Variants in AKAP13 observed in about 807,000 individuals in gnomAD.
AKAP13 encodes A-kinase anchor protein 13.
In AKAP13, 80 loss-of-function variants were observed where a neutral mutation model predicts 264.5. The observed-to-expected ratio is 0.30, with a 90% CI of 0.25 to 0.36. The LOEUF (loss-of-function observed/expected upper bound fraction) is 0.36. AKAP13 is among the 10% of genes least tolerant of loss of function. The probability of loss-of-function intolerance (pLI) is 1.00; values close to 1 mark genes in which losing one functional copy is unlikely to be tolerated. For synonymous variants in AKAP13, 1,380 were observed against 1,250.2 expected (o/e 1.10, Z -2.19); for missense variants, 3,712 against 3,435.2 (o/e 1.08, Z -2.01).
intron 9 of AKAP13, among the ~76,000 whole-genome samples, chr15:85,642,206 T>C (rs1451087081): frequency 6.6e-6 from 1 of 152,240 alleles, no homozygotes; most frequent in East Asian, 1.9e-4. Flanking sequence ...GAGTTCTGGT[T>C]ACTGTATGTA....
In AKAP13 at chr15:85,718,999, G is replaced by C; in HGVS notation, c.6002-77G>C. 1 of 1,572,570 alleles carries C rather than the reference G, an allele frequency of 6.4e-7. No individual in the cohort carries two copies. Among genetic ancestry groups the C allele is most frequent in the South Asian group, 1.2e-5 (1 of 86,048 alleles). ...AAATTGGGCTCTAAACTAGCTTTGG[G>C]ACTGCAGCAGATGATCTTTGAGGGC... On this transcript the variant is annotated intron_variant, in intron 22 of 36. Coordinates refer to ENST00000394518, the MANE Select transcript of AKAP13 (RefSeq NM_007200.5). The surrounding 1 kb of genome is among the most constrained non-coding windows in gnomAD (Gnocchi z 4.9).
intron 6 of AKAP13, among the ~76,000 whole-genome samples, chr15:85,577,280 A>G (rs2079045800): frequency 1.3e-5 from 2 of 152,340 alleles, no homozygotes; most frequent in South Asian, 2.1e-4. Flanking sequence ...GAATGAGAGG[A>G]TGGATGGCAG....
At chr15:85,524,895 G>GTA (rs1555439477) in intron 3 of AKAP13, among the ~76,000 whole-genome samples, 1 of 151,362 alleles carries the variant, frequency 6.6e-6, no homozygotes, top group African/African-American at 2.4e-5. Context: ...GTGTGTGTGT[G>GTA]TGTGTGTCTG....
chr15:85,411,743 C>T (rs2071981431), intron 1 of AKAP13, among the ~76,000 whole-genome samples: 1 of 152,194 alleles, frequency 6.6e-6, no homozygotes, highest in Admixed American at 6.5e-5. Flanking sequence ...GGCCAACTAA[C>T]TGCTTTTTTA....
At chr15:85,424,177 T>C (rs1414598361) in intron 1 of AKAP13, among the ~76,000 whole-genome samples, 1 of 152,222 alleles carries the variant, frequency 6.6e-6, no homozygotes, top group Admixed American at 6.5e-5. Context: ...CTTTGAGGTT[T>C]TGAAGCCAGG....
At chr15:85,395,809 C>G (rs2071081470) in intron 1 of AKAP13, among the ~76,000 whole-genome samples, 1 of 152,018 alleles carries the variant, frequency 6.6e-6, no homozygotes, top group Non-Finnish European at 1.5e-5. Context: ...CCCGGTTAAT[C>G]TAGTAGGATG....
chr15:85,656,445 T>C (rs2083097593), intron 11 of AKAP13, among the ~76,000 whole-genome samples: 1 of 152,100 alleles, frequency 6.6e-6, no homozygotes, highest in African/African-American at 2.4e-5. Flanking sequence ...ATGTCGAATT[T>C]GACTTCTTTT....
At chr15:85,523,019 A>G (rs896221334) in intron 3 of AKAP13, among the ~76,000 whole-genome samples, 2 of 149,490 alleles carry the variant, frequency 1.3e-5, no homozygotes, top group African/African-American at 4.9e-5. Context: ...GTGCCTCATC[A>G]CAGCAGAGGT....
At chr15:85,717,152 G>A (rs1272559187) in intron 20 of AKAP13, 138 bp from the exon 21 acceptor site, 5 of 561,250 alleles carry the variant, frequency 8.9e-6, no homozygotes, top group African/African-American at 2.0e-5. Flanking sequence ...CTGTGGCCCC[G>A]ACATAAGCAA....
chr15:85,688,782 G>C (rs764154953), intron 16 of AKAP13, among the ~76,000 whole-genome samples: 8 of 152,212 alleles, frequency 5.3e-5, no homozygotes, highest in Non-Finnish European at 7.3e-5. Context: ...ACTGGCATAA[G>C]TGATTAGATT....
At chr15:85,526,507 G>A (rs2077048233) in intron 3 of AKAP13, among the ~76,000 whole-genome samples, 1 of 152,130 alleles carries the variant, frequency 6.6e-6, no homozygotes, top group South Asian at 2.1e-4. Context: ...TCTGGTCTAA[G>A]TGATCCTTCT....
intron 17 of AKAP13, among the ~76,000 whole-genome samples, chr15:85,703,176 G>A (rs1279516688): frequency 1.3e-5 from 2 of 152,168 alleles, no homozygotes; most frequent in Non-Finnish European, 2.9e-5. Flanking sequence ...CATCAGAAAA[G>A]TTGCCCTCTA....
At position 85,579,164 on chromosome 15, in the gene AKAP13, G is replaced by C; in HGVS notation, c.1096G>C (p.Asp366His). 1.2e-6 allele frequency: 2 copies of C among 1,614,148 alleles called. No individual in the cohort carries two copies. The highest frequency in any genetic ancestry group is 1.7e-6 in the Non-Finnish European group (2 of 1,180,026). ...LSSIVEEENT[D>H]RSCRKKNKGV... is the part of the protein sequence containing the mutation. ...AAGCATAGTTGAGGAGGAGAATACA[G>C]ACCGTTCCTGTAGGAAGAAAAATAA... The change falls in exon 7 of 37, where the codon GAC becomes CAC. Residue 366 changes from aspartate (D) to histidine (H), a missense_variant. Transcript: ENST00000394518.
At chr15:85,585,574 A>G (rs899096636) in intron 7 of AKAP13, 128 bp from the exon 8 acceptor site, 26 of 1,340,856 alleles carry the variant, frequency 1.9e-5, no homozygotes, top group Middle Eastern at 1.9e-4. Flanking sequence ...GCTGACAACA[A>G]AAGAATACTT....
chr15:85,560,150 A>C (rs959683082), intron 5 of AKAP13, among the ~76,000 whole-genome samples: 6 of 151,464 alleles, frequency 4.0e-5, no homozygotes, highest in East Asian at 1.9e-4. Flanking sequence ...AAAAAAAAAA[A>C]AAAAAAACAG....
chr15:85,476,840 CGTT>C (rs560181330), intron 1 of AKAP13, among the ~76,000 whole-genome samples: 165 of 152,190 alleles, frequency 1.1e-3, no homozygotes, highest in African/African-American at 3.9e-3. Context: ...GCTTGTCTAT[CGTT>C]GTTGTAAAAT....
intron 18 of AKAP13, among the ~76,000 whole-genome samples, chr15:85,709,735 T>C (rs1374364649): frequency 6.6e-6 from 1 of 151,942 alleles, no homozygotes; most frequent in African/African-American, 2.4e-5. Context: ...TCACCCAGGC[T>C]GGAGTGCAAT....
At chr15:85,710,224 G>A (rs1230799755) in intron 18 of AKAP13, among the ~76,000 whole-genome samples, 1 of 152,158 alleles carries the variant, frequency 6.6e-6, no homozygotes, top group African/African-American at 2.4e-5. Flanking sequence ...GGGGAAGACG[G>A]ACAGTTACTA....
chr15:85,504,016 T>C (rs1424217088), intron 2 of AKAP13, among the ~76,000 whole-genome samples: 1 of 151,998 alleles, frequency 6.6e-6, no homozygotes, highest in Non-Finnish European at 1.5e-5. Context: ...ATCAGGAGAG[T>C]AGCTTGATCA....
Sources: gnomAD v4.1 joint callset for allele counts (sites outside exome capture counted in the v4.1 genomes callset) on GRCh38, gnomAD v4.1.1 for gene constraint, Gnocchi (gnomAD v3.1) non-coding constraint, MANE v1.5 for transcripts, NCBI Gene and HGNC (gene_info 2026-07-23, HGNC 2026-07-21) for gene names.